Variants in ACSL3 observed in about 807,000 individuals in gnomAD.
ACSL3 encodes fatty acid CoA ligase Acsl3.
A neutral mutation model predicts 84.7 loss-of-function variants in ACSL3; 34 were observed. That is an observed-to-expected ratio of 0.40 (90% CI 0.31 to 0.53). The LOEUF is 0.53. Among genes scored for constraint, ACSL3 ranks in the 20% least tolerant of loss-of-function variants. The pLI is 0.48. For missense variants in ACSL3, 680 were observed against 873.1 expected (o/e 0.78, Z 2.79); for synonymous variants, 315 against 299.4 (o/e 1.05, Z -0.54).
intron 1 of ACSL3, among the ~76,000 whole-genome samples, chr2:222,874,237 C>G (rs1210146978): frequency 6.6e-6 from 1 of 152,162 alleles, no homozygotes; most frequent in Non-Finnish European, 1.5e-5. Flanking sequence ...GTTGGCCAGA[C>G]TGGTCTTGAA....
At chr2:222,907,145 G>A (rs73065506) in intron 3 of ACSL3, among the ~76,000 whole-genome samples, 36 of 152,264 alleles carry the variant, frequency 2.4e-4, no homozygotes, top group African/African-American at 8.4e-4. Flanking sequence ...GTACCCATCA[G>A]TCTTCTCTGT....
chr2:222,905,531 ATCTT>A (rs1482550496), intron 3 of ACSL3, among the ~76,000 whole-genome samples: 3 of 152,220 alleles, frequency 2.0e-5, no homozygotes, highest in Non-Finnish European at 2.9e-5. Context: ...GTTGGATAAC[ATCTT>A]TCTTCTGGGT....
chr2:222,900,527 G>A (rs1310456782), intron 2 of ACSL3, 147 bp from the exon 3 acceptor site: 1 of 151,984 alleles, frequency 6.6e-6, no homozygotes, highest in Admixed American at 6.6e-5. Flanking sequence ...TTTCAAGACT[G>A]TATTTATTTT....
At chr2:222,867,710 T>G (rs985060120) in intron 1 of ACSL3, among the ~76,000 whole-genome samples, 8 of 152,228 alleles carry the variant, frequency 5.3e-5, no homozygotes, top group Admixed American at 2.0e-4. Flanking sequence ...GATAGACTTT[T>G]AGGCTGTTTC....
intron 2 of ACSL3, among the ~76,000 whole-genome samples, chr2:222,888,093 T>G (rs1382641906): frequency 6.6e-6 from 1 of 152,210 alleles, no homozygotes; most frequent in African/African-American, 2.4e-5. Flanking sequence ...ATTGTCTATC[T>G]TCCTTTCCTT....
At chr2:222,909,721 C>T (rs968858759) in intron 4 of ACSL3, 2 of 152,352 alleles carry the variant, frequency 1.3e-5, no homozygotes, top group East Asian at 3.9e-4. Flanking sequence ...ACTTAACTGG[C>T]TTTCTGACCC....
At chr2:222,914,699 G>A (rs1317049634) in intron 4 of ACSL3, among the ~76,000 whole-genome samples, 1 of 152,220 alleles carries the variant, frequency 6.6e-6, no homozygotes, top group African/African-American at 2.4e-5. Context: ...TTCTGCAGCA[G>A]TGTTCAATGA....
chr2:222,908,710 G>C (rs184341973), intron 3 of ACSL3, 23 bp from the exon 4 acceptor site: 1 of 1,400,002 alleles, frequency 7.1e-7, no homozygotes, highest in African/African-American at 1.5e-5. Context: ...TTGAACTAAC[G>C]CCTTTCTTTT....
At chr2:222,934,177 T>A (rs1457630813) in intron 15 of ACSL3, among the ~76,000 whole-genome samples, 2 of 152,258 alleles carry the variant, frequency 1.3e-5, no homozygotes, top group Admixed American at 6.5e-5. Flanking sequence ...TTTAGTTTTT[T>A]AAAACACATG....
At chr2:222,922,606 C>T (rs1054082764) in intron 8 of ACSL3, 102 bp from the exon 9 acceptor site, 5 of 1,446,892 alleles carry the variant, frequency 3.5e-6, no homozygotes, top group Non-Finnish European at 4.7e-6. Flanking sequence ...AAATTGATGC[C>T]CTGGGGCCCT....
intron 1 of ACSL3, among the ~76,000 whole-genome samples, chr2:222,876,959 A>G (rs1465015240): frequency 6.6e-6 from 1 of 152,172 alleles, no homozygotes; most frequent in African/African-American, 2.4e-5. Flanking sequence ...TTCATTGAAA[A>G]TCTATATTCC....
chr2:222,866,949 C>T (rs928906557), intron 1 of ACSL3, among the ~76,000 whole-genome samples: 3 of 151,586 alleles, frequency 2.0e-5, no homozygotes, highest in Non-Finnish European at 4.4e-5. Context: ...ATTCTCCTGC[C>T]GCAGCCTCCC....
intron 3 of ACSL3, among the ~76,000 whole-genome samples, chr2:222,903,652 A>G (rs1267320344): frequency 6.6e-6 from 1 of 152,236 alleles, no homozygotes; most frequent in African/African-American, 2.4e-5. Context: ...TTTTTTCTGT[A>G]TCCCAATGGA....
At chr2:222,914,267 GTGTGTGTGTGTA>G (rs1383360549) in intron 4 of ACSL3, among the ~76,000 whole-genome samples, 4 of 144,998 alleles carry the variant, frequency 2.8e-5, no homozygotes, top group African/African-American at 1.0e-4. Flanking sequence ...GTGTGTGTGT[GTGTGTGTGTGTA>G]TTTTGAGACA....
chr2:222,901,459 A>G (rs1696147414), intron 3 of ACSL3, among the ~76,000 whole-genome samples: 1 of 151,534 alleles, frequency 6.6e-6, no homozygotes, highest in African/African-American at 2.4e-5. Flanking sequence ...CTTTTCCTTT[A>G]TAGTAAATTT....
intron 14 of ACSL3, among the ~76,000 whole-genome samples, chr2:222,931,645 A>G (rs1271552574): frequency 4.6e-5 from 7 of 152,086 alleles, no homozygotes; most frequent in Admixed American, 1.3e-4. Context: ...CTCTGTTGCC[A>G]TGTTTACCCC....
intron 1 of ACSL3, among the ~76,000 whole-genome samples, chr2:222,877,634 C>T (rs1695482990): frequency 6.6e-6 from 1 of 152,124 alleles, no homozygotes; most frequent in Non-Finnish European, 1.5e-5. Flanking sequence ...ATTGATGTTT[C>T]TGGGGAGAAT....
At chr2:222,866,939 A>C (rs1027410513) in intron 1 of ACSL3, among the ~76,000 whole-genome samples, 1 of 151,110 alleles carries the variant, frequency 6.6e-6, no homozygotes, top group Admixed American at 6.6e-5. Flanking sequence ...GGTTCAAGCA[A>C]TTCTCCTGCC....
chr2:222,880,072 A>G (rs910871790), intron 1 of ACSL3, among the ~76,000 whole-genome samples: 1 of 152,086 alleles, frequency 6.6e-6, no homozygotes, highest in Non-Finnish European at 1.5e-5. Flanking sequence ...TTACCTGCTG[A>G]TCTGTGATGT....
Sources: gnomAD v4.1 joint callset for allele counts (sites outside exome capture counted in the v4.1 genomes callset) on GRCh38, gnomAD v4.1.1 for gene constraint, MANE v1.5 for transcripts, NCBI Gene and HGNC (gene_info 2026-07-23, HGNC 2026-07-21) for gene names.